The following ST7L variants were observed in gnomAD, a reference collection of about 807,000 sequenced individuals.
The protein encoded by ST7L is suppressor of tumorigenicity 7 protein-like.
Under a neutral mutation model 72.5 loss-of-function variants are expected in ST7L, and 57 were observed. The ratio of observed to expected loss-of-function variants is 0.79; its 90% CI spans 0.64 to 0.98. The LOEUF (loss-of-function observed/expected upper bound fraction) is 0.98. ST7L is among the 50% of genes least tolerant of loss of function. The probability of loss-of-function intolerance (pLI) is 0.00; values close to 1 mark genes in which losing one functional copy is unlikely to be tolerated. For synonymous variants in ST7L, 221 were observed against 240.9 expected, an observed-to-expected ratio of 0.92 and a Z score of 0.77; for missense variants, 576 against 672.2, an observed-to-expected ratio of 0.86 and a Z score of 1.58.
Position 112,582,078 on chromosome 1 carries a change from A to T in ST7L, c.983T>A (p.Met328Lys), listed in dbSNP as rs893517791. The stretch of plus-strand genomic sequence containing the variant: ...TAAGAGATTTTCATGGATGTTCAAC[A>T]TGGTAAGAGGAGGAAATTCTTTCAT... Reference protein sequence around the residue: ...DLMKEFPPLTMLNIHENLLES... With the variant: ...DLMKEFPPLTKLNIHENLLES... The change falls in exon 9 of 15, where the codon ATG becomes AAG. Residue 328 changes from methionine (M) to lysine (K), a missense_variant. Around this residue, in one of 3 missense-constraint regions of ST7L, gnomAD observed 511 missense variants for 600.7 expected, o/e 0.85. Transcript: ENST00000358039. 1 of 1,612,828 alleles carries T rather than the reference A, an allele frequency of 6.2e-7. No homozygotes were observed. The highest frequency in any genetic ancestry group is 2.2e-5 in the East Asian group (1 of 44,762).
intron 12 of ST7L, 133 bp downstream of exon 12, chr1:112,555,735 A>G: frequency 1.3e-6 from 1 of 749,906 alleles, no homozygotes; most frequent in Non-Finnish European, 2.0e-6. Context: ...ATATCTCATC[A>G]CTAATTTCCA....
chr1:112,578,860 C>T (rs1181873710), intron 9 of ST7L, among the ~76,000 whole-genome samples: 1 of 152,068 alleles, frequency 6.6e-6, no homozygotes, highest in East Asian at 1.9e-4. Context: ...AAAACCTGGA[C>T]GTGATGTTGA....
intron 14 of ST7L, among the ~76,000 whole-genome samples, chr1:112,531,937 T>C (rs1269093469): frequency 6.6e-6 from 1 of 152,172 alleles, no homozygotes; most frequent in Non-Finnish European, 1.5e-5. Flanking sequence ...AGAAGACTCT[T>C]TTCAGGTTAT....
rs182979203 is a variant in ST7L, at chr1:112,596,833, T to C, written c.622+1138A>G. Among the ~76,000 whole-genome samples the C allele has an allele frequency of 5.3e-5, 8 of 152,172 alleles. No homozygotes were observed. In the East Asian group the frequency reaches 1.4e-3, roughly 26 times the overall value. The stretch of plus-strand genomic sequence containing the variant: ...TTATATTTTTGTAGAGACGGGGTTT[T>C]ACCATGTTGACCAGGCTGGTCTCGA... On this transcript the variant is annotated intron_variant, in intron 5 of 14. Transcript: ENST00000358039.
chr1:112,557,982 T>G (rs1481486227), intron 11 of ST7L, among the ~76,000 whole-genome samples: 1 of 152,236 alleles, frequency 6.6e-6, no homozygotes, highest in Non-Finnish European at 1.5e-5. Context: ...AGCAATCAAA[T>G]GTACTTGTTA....
chr1:112,582,310 CAACTT>C, intron 8 of ST7L, 60 bp downstream of exon 8: 1 of 1,204,242 alleles, frequency 8.3e-7, no homozygotes, highest in Non-Finnish European at 1.2e-6. Context: ...AAATAACTGG[CAACTT>C]AACTAAATTT....
chr1:112,560,525 A>T (rs900672001), intron 11 of ST7L, among the ~76,000 whole-genome samples: 1 of 152,242 alleles, frequency 6.6e-6, no homozygotes, highest in African/African-American at 2.4e-5. Context: ...TACAAATTAT[A>T]AGATTATTTA....
At chr1:112,518,533 G>A (rs556520443), downstream of ST7L, 92 of 152,222 alleles carry the variant, frequency 6.0e-4, no homozygotes, top group African/African-American at 2.1e-3. Flanking sequence ...AAAAAACTTG[G>A]AGCCCTTCTG....
rs570086473 is a variant in ST7L at position 112,591,643 on chromosome 1, A to G, written c.623-40T>C. 2.0e-6 allele frequency: 3 copies of G among 1,516,360 alleles called. No homozygotes were observed. In the South Asian group the frequency reaches 3.6e-5, roughly 18 times the overall value. The allele number at this position is 1,516,360 out of a possible 1,614,324, so 93.9% of individuals were successfully genotyped here. ...TCCATAAAATAGATGAGATGGTAAAAAAATAATCTGCAAAATTATGAAGAA... is the reference window on the plus strand; with the variant it reads ...TCCATAAAATAGATGAGATGGTAAAGAAATAATCTGCAAAATTATGAAGAA... On this transcript the variant is annotated intron_variant, in intron 5 of 14. Coordinates refer to ENST00000358039, the MANE Select transcript of ST7L (RefSeq NM_017744.5).
At chr1:112,540,696 A>G (rs1043109062) in intron 14 of ST7L, 2 of 1,199,528 alleles carry the variant, frequency 1.7e-6, no homozygotes, top group African/African-American at 3.2e-5. Context: ...CACAAAATAA[A>G]CTATTCTTAA....
At chr1:112,613,308 A>C (rs1669358171) in intron 2 of ST7L, among the ~76,000 whole-genome samples, 1 of 147,490 alleles carries the variant, frequency 6.8e-6, no homozygotes, top group Non-Finnish European at 1.5e-5. Context: ...AAAGCTTTCT[A>C]TGAGCCACAC....
At chr1:112,588,634 C>T (rs893565804) in intron 6 of ST7L, among the ~76,000 whole-genome samples, 1 of 152,146 alleles carries the variant, frequency 6.6e-6, no homozygotes, top group African/African-American at 2.4e-5. Context: ...GTTTTTTCTA[C>T]ATCAGTTGAG....
chr1:112,585,373 A>T (rs1479016374), intron 6 of ST7L, among the ~76,000 whole-genome samples: 1 of 152,224 alleles, frequency 6.6e-6, no homozygotes, highest in Non-Finnish European at 1.5e-5. Flanking sequence ...ATGCACAACG[A>T]ATTTTGAAGA....
chr1:112,520,382 C>A (rs374641766), downstream of ST7L: 3 of 1,614,036 alleles, frequency 1.9e-6, no homozygotes, highest in African/African-American at 4.0e-5. Flanking sequence ...ACTCGAGTCA[C>A]CCGTGTTACC....
intron 11 of ST7L, among the ~76,000 whole-genome samples, chr1:112,559,497 G>T: frequency 6.6e-6 from 1 of 151,680 alleles, no homozygotes; most frequent in Non-Finnish European, 1.5e-5. Flanking sequence ...TTCCCAAAGT[G>T]CTGGGATTAC....
chr1:112,519,684 A>G (rs144506867), downstream of ST7L, among the ~76,000 whole-genome samples: 463 of 152,292 alleles, frequency 3.0e-3, 3 homozygotes, highest in African/African-American at 0.01. Context: ...CCTTAGGAAT[A>G]TGCCTCCAGC....
chr1:112,605,331 T>C (rs1358600395), intron 3 of ST7L, among the ~76,000 whole-genome samples: 1 of 151,828 alleles, frequency 6.6e-6, no homozygotes, highest in African/African-American at 2.4e-5. Flanking sequence ...CAGCAGAGGT[T>C]GCAGTGAGCC....
chr1:112,530,148 G>A (rs1654134581), intron 14 of ST7L: 1 of 152,184 alleles, frequency 6.6e-6, no homozygotes, highest in African/African-American at 2.4e-5. Flanking sequence ...TACCAATAAA[G>A]TAAATTCCAA....
intron 9 of ST7L, among the ~76,000 whole-genome samples, chr1:112,581,085 T>A (rs1664034312): frequency 6.6e-6 from 1 of 152,230 alleles, no homozygotes; most frequent in Non-Finnish European, 1.5e-5. Flanking sequence ...TTCAGTTAAT[T>A]GGAGACAGTA....
Sources: allele counts gnomAD v4.1 joint callset (sites outside exome capture counted in the v4.1 genomes callset), GRCh38; gene constraint gnomAD v4.1.1; regional missense constraint gnomAD v4.1.1; transcripts MANE v1.5; gene names NCBI Gene and HGNC (gene_info 2026-07-23, HGNC 2026-07-21).